Variants in CEP112 observed in about 807,000 individuals in gnomAD.
CEP112 encodes the protein centrosomal protein of 112 kDa.
Under a neutral mutation model 153.0 loss-of-function variants are expected in CEP112, and 127 were observed. The ratio of observed to expected loss-of-function variants is 0.83; its 90% confidence interval spans 0.72 to 0.96. The LOEUF is 0.96. Ranked by LOEUF, CEP112 falls within the 40% of genes least tolerant of loss-of-function variation. The probability of loss-of-function intolerance (pLI) is 0.00; values close to 1 mark genes in which losing one functional copy is unlikely to be tolerated. For missense variants in CEP112, 1,089 were observed against 1,101.2 expected (o/e 0.99, Z 0.16); for synonymous variants, 358 against 374.4 (o/e 0.96, Z 0.51).
chr17:66,129,828 A>C lies in CEP112; in HGVS notation c.565-5T>G, dbSNP rs747537957. On this transcript the variant is annotated splice_region_variant and splice_polypyrimidine_tract_variant and intron_variant, in intron 5 of 26. Transcript: ENST00000535342. ...AGATTTTTTCGAATAAACTTCCTGA[A>C]ATACAAAAGGGAAAAAGGAAGAGGA... 1 of 1,589,474 alleles carries C rather than the reference A, an allele frequency of 6.3e-7. No individual in the cohort carries two copies. The highest frequency in any genetic ancestry group is 2.2e-5 in the East Asian group (1 of 44,648).
chr17:65,895,189 T>G (rs1259876295), intron 20 of CEP112, among the ~76,000 whole-genome samples: 1 of 152,092 alleles, frequency 6.6e-6, no homozygotes, highest in African/African-American at 2.4e-5. Flanking sequence ...ATACATATAG[T>G]CATCTTCTGA....
intron 5 of CEP112, among the ~76,000 whole-genome samples, chr17:66,130,036 G>A (rs369338801): frequency 1.3e-5 from 2 of 151,974 alleles, no homozygotes; most frequent in African/African-American, 4.8e-5. Flanking sequence ...AAGTGGGACG[G>A]GAGGGAGAAA....
intron 23 of CEP112, among the ~76,000 whole-genome samples, chr17:65,693,527 G>A (rs868000309): frequency 3.9e-5 from 6 of 151,974 alleles, no homozygotes; most frequent in Admixed American, 3.3e-4. Flanking sequence ...TGATGGATAT[G>A]GAGAAGGGGA....
At chr17:66,081,422 T>C (rs922420958) in intron 8 of CEP112, among the ~76,000 whole-genome samples, 22 of 152,152 alleles carry the variant, frequency 1.4e-4, no homozygotes, top group African/African-American at 5.3e-4. Context: ...AATTATCTAA[T>C]TCTTGCCTGG....
At chr17:65,755,782 A>G (rs1034646115) in intron 21 of CEP112, among the ~76,000 whole-genome samples, 4 of 152,052 alleles carry the variant, frequency 2.6e-5, no homozygotes, top group Non-Finnish European at 5.9e-5. Context: ...GTTACAGGTG[A>G]AATAGGGTTT....
At chr17:65,935,293 GGAA>G (rs1251853424) in intron 18 of CEP112, among the ~76,000 whole-genome samples, 1 of 152,084 alleles carries the variant, frequency 6.6e-6, no homozygotes, top group East Asian at 1.9e-4. Flanking sequence ...TAGATATGAA[GGAA>G]GAGATAGACT....
At chr17:65,958,798 AGGCTGGGAGGCC>A (rs2062091835) in intron 18 of CEP112, among the ~76,000 whole-genome samples, 1 of 152,126 alleles carries the variant, frequency 6.6e-6, no homozygotes, top group African/African-American at 2.4e-5. Context: ...GAGGGCCTGA[AGGCTGGGAGGCC>A]TGGCTGCAAG....
intron 4 of CEP112, among the ~76,000 whole-genome samples, chr17:66,151,250 T>G (rs762473520): frequency 3.3e-5 from 5 of 152,238 alleles, no homozygotes; most frequent in Non-Finnish European, 5.9e-5. Context: ...CAGCTCTTCT[T>G]TGCTCCTCGT....
chr17:65,939,479 C>T (rs1229089432), intron 18 of CEP112, among the ~76,000 whole-genome samples: 1 of 152,130 alleles, frequency 6.6e-6, no homozygotes, highest in Admixed American at 6.5e-5. Flanking sequence ...ATCACACTAC[C>T]TGACATCAAA....
At chr17:66,179,430 A>G (rs2072623344) in intron 2 of CEP112, among the ~76,000 whole-genome samples, 1 of 151,530 alleles carries the variant, frequency 6.6e-6, no homozygotes, top group Non-Finnish European at 1.5e-5. Flanking sequence ...ATTCCTAGGT[A>G]TTTTATTTTA....
intron 1 of CEP112, among the ~76,000 whole-genome samples, chr17:66,186,587 C>T (rs2072947548): frequency 6.6e-6 from 1 of 152,172 alleles, no homozygotes; most frequent in Non-Finnish European, 1.5e-5. Flanking sequence ...CCATGCCCAG[C>T]TGCCTCTTGT....
At chr17:66,110,806 T>C (rs11655847) in intron 6 of CEP112, among the ~76,000 whole-genome samples, 24,650 of 152,028 alleles carry the variant, frequency 0.16, 2,761 homozygotes, top group African/African-American at 0.31. Flanking sequence ...CTAGCAAAGA[T>C]TTTATGACAA....
At chr17:65,693,152 C>T (rs947077347) in intron 23 of CEP112, among the ~76,000 whole-genome samples, 8 of 152,192 alleles carry the variant, frequency 5.3e-5, no homozygotes, top group African/African-American at 7.2e-5. Context: ...TTCTCTTAAA[C>T]GAAGAGTTGT....
chr17:65,753,341 A>G (rs1188629683), intron 21 of CEP112, among the ~76,000 whole-genome samples: 1 of 152,184 alleles, frequency 6.6e-6, no homozygotes, highest in African/African-American at 2.4e-5. Flanking sequence ...GAATGAGTGG[A>G]TGCCGTACAA....
intron 24 of CEP112, among the ~76,000 whole-genome samples, chr17:65,651,994 C>T (rs960964776): frequency 2.6e-5 from 4 of 152,188 alleles, no homozygotes; most frequent in Non-Finnish European, 4.4e-5. Context: ...TGAGCCACTG[C>T]GCCCAGCTGA....
Position 66,005,733 on chromosome 17 carries a change from CT to C in CEP112, c.1692del (p.Glu565LysfsTer14). The C allele has an allele frequency of 6.2e-7, 1 of 1,609,498 alleles. No individual in the cohort carries two copies. The highest frequency in any genetic ancestry group is 8.5e-7 in the Non-Finnish European group (1 of 1,178,680). On this transcript the variant is annotated frameshift_variant, in exon 17 of 27. Coordinates refer to ENST00000535342, the MANE Select transcript of CEP112 (RefSeq NM_001199165.4). LOFTEE classifies it high-confidence loss of function. The stretch of plus-strand genomic sequence containing the variant: ...TTATGAATTTTCTTTTGAGTATCTT[CT>C]TTTCCTTTATCAAGTTCACTCTGCA... ...HDLQSELDKG[K>X]EDTQKKIHKF... is the part of the protein sequence containing the mutation.
At chr17:65,870,068 A>AGAAAGAAAGAAAGAAAGAAAG (rs1491567332) in intron 20 of CEP112, among the ~76,000 whole-genome samples, 1 of 150,914 alleles carries the variant, frequency 6.6e-6, no homozygotes, top group African/African-American at 2.4e-5. Context: ...AAAGAAAGAA[A>AGAAAGAAAGAAAGAAAGAAAG]GAAAGAAAGA....
chr17:66,175,813 A>T (rs1354546152), intron 3 of CEP112, among the ~76,000 whole-genome samples: 1 of 152,222 alleles, frequency 6.6e-6, no homozygotes, highest in Non-Finnish European at 1.5e-5. Context: ...TGAATGGGAA[A>T]ACATGATACA....
chr17:66,165,555 A>T (rs894260837), intron 4 of CEP112, among the ~76,000 whole-genome samples: 6 of 152,234 alleles, frequency 3.9e-5, no homozygotes, highest in African/African-American at 1.4e-4. Flanking sequence ...TTTCAGGAGG[A>T]GCAATTTATA....
Sources: allele counts gnomAD v4.1 joint callset (sites outside exome capture counted in the v4.1 genomes callset), GRCh38; gene constraint gnomAD v4.1.1; transcripts MANE v1.5; gene names NCBI Gene and HGNC (gene_info 2026-07-23, HGNC 2026-07-21).